Variants in IFT122 observed in about 807,000 individuals in gnomAD.
The protein encoded by IFT122 is intraflagellar transport protein 122 homolog.
In IFT122, 118 loss-of-function variants were observed where a neutral mutation model predicts 161.6. The ratio of observed to expected loss-of-function variants is 0.73; its 90% CI spans 0.63 to 0.85. IFT122 has a LOEUF of 0.85. Among genes scored for constraint, IFT122 ranks in the 40% least tolerant of loss-of-function variants. The pLI is 0.00. For synonymous variants in IFT122, 550 were observed against 602.4 expected (o/e 0.91, Z 1.27); for missense variants, 1,381 against 1,579.6 (o/e 0.87, Z 2.13).
chr3:129,457,345 A>G (rs538167926), intron 3 of IFT122, among the ~76,000 whole-genome samples: 18 of 152,280 alleles, frequency 1.2e-4, no homozygotes, highest in African/African-American at 3.1e-4. Flanking sequence ...TTGCTTTAGG[A>G]TAAAGAGCAA....
At chr3:129,441,287 C>T (rs2073053289) in intron 1 of IFT122, among the ~76,000 whole-genome samples, 1 of 152,204 alleles carries the variant, frequency 6.6e-6, no homozygotes, top group Non-Finnish European at 1.5e-5. Flanking sequence ...CTGTGTAAAG[C>T]ATGCCGTCTC....
intron 15 of IFT122, among the ~76,000 whole-genome samples, chr3:129,485,033 T>G (rs1363328225): frequency 2.6e-5 from 4 of 152,208 alleles, no homozygotes. Context: ...CCACCTGCCT[T>G]GTATTTACAG....
chr3:129,494,074 CGGG>C lies in IFT122; in HGVS notation c.2047-1368_2047-1366del, dbSNP rs1264193068. On this transcript the variant is annotated intron_variant, in intron 17 of 29. Transcript: ENST00000348417. Reference sequence around the variant, plus strand: ...AGGGGAGATGTTCTTGTCCTGCTGACGGGGGGAAAGAACCTGCCCATGTTGACA... The same window carrying C: ...AGGGGAGATGTTCTTGTCCTGCTGACGGGAAAGAACCTGCCCATGTTGACA... Among the ~76,000 whole-genome samples, 9 of 152,216 alleles carry C rather than the reference CGGG, an allele frequency of 5.9e-5. 1 individual carries two copies. In the South Asian group the frequency reaches 8.3e-4, roughly 14 times the overall value.
chr3:129,458,076 G>A (rs1401118601), intron 3 of IFT122: 1 of 160,324 alleles, frequency 6.2e-6, no homozygotes, highest in Non-Finnish European at 1.4e-5. Flanking sequence ...AAAAAAATAA[G>A]TATCTGCAGT....
chr3:129,517,235 G>C (rs1271402675), intron 26 of IFT122, among the ~76,000 whole-genome samples: 9 of 109,254 alleles, frequency 8.2e-5, no homozygotes, highest in African/African-American at 1.5e-4. Context: ...CACACACACA[G>C]AAACTGCCCC....
intron 20 of IFT122, among the ~76,000 whole-genome samples, chr3:129,503,427 A>G (rs1015840349): frequency 1.3e-5 from 2 of 151,998 alleles, no homozygotes; most frequent in African/African-American, 4.8e-5. Context: ...GGTCAGCGAG[A>G]AAGGTGGCCA....
intron 11 of IFT122, 146 bp downstream of exon 11, chr3:129,476,947 T>A: frequency 9.4e-6 from 3 of 317,650 alleles, no homozygotes; most frequent in Non-Finnish European, 1.5e-5. Flanking sequence ...CTTGTTTTCT[T>A]TTTTTTTTTT....
chr3:129,500,746 G>A (rs1344999597), intron 19 of IFT122, among the ~76,000 whole-genome samples: 2 of 152,168 alleles, frequency 1.3e-5, no homozygotes, highest in African/African-American at 4.8e-5. Flanking sequence ...GTGTGGGAAT[G>A]GGAGGGTGAA....
At chr3:129,461,717 T>C (rs2076233742) in intron 5 of IFT122, among the ~76,000 whole-genome samples, 1 of 152,234 alleles carries the variant, frequency 6.6e-6, no homozygotes, top group African/African-American at 2.4e-5. Flanking sequence ...TTCTTCACTG[T>C]TGCGGTTCTA....
chr3:129,520,138 T>C, intron 29 of IFT122, 38 bp from the exon 30 acceptor site: 2 of 1,550,518 alleles, frequency 1.3e-6, no homozygotes, highest in Non-Finnish European at 1.8e-6. Context: ...TGATGAGCAC[T>C]AGGGCTTCAG....
intron 1 of IFT122, 44 bp downstream of exon 1, chr3:129,440,415 C>T (rs1400031113): frequency 4.5e-6 from 7 of 1,545,646 alleles, no homozygotes; most frequent in Non-Finnish European, 6.1e-6. Context: ...GTCGAGTCCT[C>T]GCGGGGAGTG....
chr3:129,500,808 C>T (rs1297757919), intron 19 of IFT122, among the ~76,000 whole-genome samples: 1 of 152,070 alleles, frequency 6.6e-6, no homozygotes, highest in Non-Finnish European at 1.5e-5. Flanking sequence ...GGAAGGGCCT[C>T]CGATGCCAAA....
At chr3:129,502,981 C>A in intron 20 of IFT122, 99 bp downstream of exon 20, 1 of 1,142,736 alleles carries the variant, frequency 8.8e-7, no homozygotes, top group Non-Finnish European at 1.3e-6. Flanking sequence ...TGGAGAGAAG[C>A]TGCCCTCGTG....
chr3:129,478,643 A>C (rs1015909947), intron 12 of IFT122, among the ~76,000 whole-genome samples: 4 of 152,058 alleles, frequency 2.6e-5, no homozygotes, highest in Non-Finnish European at 5.9e-5. Context: ...GCGAGGCTGT[A>C]CTTTGGGAGG....
At chr3:129,507,793 G>T in intron 23 of IFT122, 31 bp downstream of exon 23, 2 of 1,540,290 alleles carry the variant, frequency 1.3e-6, no homozygotes, top group Non-Finnish European at 1.8e-6. Flanking sequence ...GCACCTGAGG[G>T]TACCATCTCC....
rs376260287 is a variant in IFT122, at chr3:129,469,432, A to G, written c.816+15A>G. ...GTGGAAAACAGGTATGTAGCCCTGT[A>G]CAAATCCAATTGCAGTCATGCCTGT... On this transcript the variant is annotated intron_variant, in intron 9 of 29. Coordinates refer to ENST00000348417, the MANE Select transcript of IFT122 (RefSeq NM_052989.3). 8.8e-6 allele frequency: 14 copies of G among 1,597,306 alleles called. No individual in the cohort carries two copies. Among genetic ancestry groups the G allele is most frequent in the Non-Finnish European group, 1.1e-5 (13 of 1,164,994 alleles).
chr3:129,510,991 G>T (rs2108618783), intron 23 of IFT122, among the ~76,000 whole-genome samples: 1 of 152,306 alleles, frequency 6.6e-6, no homozygotes, highest in African/African-American at 2.4e-5. Context: ...ATAAAAATGG[G>T]GCAAGTGAAG....
In IFT122 at chr3:129,487,281, C is replaced by T. The variant is rs140298823; in HGVS notation, c.1852-976C>T. On this transcript the variant is annotated intron_variant, in intron 15 of 29. Transcript: ENST00000348417. ...CTCAAGACTCATTCTCAGGCCTGCA[C>T]GCACATATGCACATATACACGCGTG... Among the ~76,000 whole-genome samples, 288 of 152,300 alleles carry T rather than the reference C, an allele frequency of 1.9e-3. 1 individual carries two copies. The highest frequency in any genetic ancestry group is 6.4e-3 in the African/African-American group (267 of 41,564).
At chr3:129,489,614 C>T (rs556410412) in intron 16 of IFT122, among the ~76,000 whole-genome samples, 17 of 151,978 alleles carry the variant, frequency 1.1e-4, no homozygotes, top group Admixed American at 5.9e-4. Flanking sequence ...CCGAGGTGTG[C>T]GGATCACAAG....
Sources: gnomAD v4.1 joint callset for allele counts (sites outside exome capture counted in the v4.1 genomes callset) on GRCh38, gnomAD v4.1.1 for gene constraint, MANE v1.5 for transcripts, NCBI Gene and HGNC (gene_info 2026-07-23, HGNC 2026-07-21) for gene names.